The following SNTG1 variants were observed in gnomAD, a reference collection of about 807,000 sequenced individuals.
SNTG1 encodes the protein syntrophin gamma 1, also known as gamma-1-syntrophin.
SNTG1 carries 39 observed loss-of-function variants against 74.7 expected under a neutral mutation model. That is an observed-to-expected ratio of 0.52 (90% CI 0.40 to 0.68). The LOEUF is 0.68. SNTG1 is among the 30% of genes least tolerant of loss of function. SNTG1 has a pLI of 0.00. For missense variants in SNTG1, 685 were observed against 609.5 expected (o/e 1.12, Z -1.30); for synonymous variants, 254 against 217.1 (o/e 1.17, Z -1.49).
chr8:50,773,052 G>A (rs763891558), intron 18 of SNTG1, among the ~76,000 whole-genome samples: 3 of 151,932 alleles, frequency 2.0e-5, no homozygotes, highest in Non-Finnish European at 1.5e-5. Flanking sequence ...TCTTTTTTCT[G>A]TAAGTTACCC....
At chr8:50,160,448 A>T (rs762406659) in intron 1 of SNTG1, among the ~76,000 whole-genome samples, 5 of 152,184 alleles carry the variant, frequency 3.3e-5, no homozygotes, top group Non-Finnish European at 7.3e-5. Context: ...CAGTTTTCTT[A>T]AAGGGTCATA....
chr8:50,117,594 T>C (rs2080866380), intron 1 of SNTG1, among the ~76,000 whole-genome samples: 1 of 152,112 alleles, frequency 6.6e-6, no homozygotes, highest in Non-Finnish European at 1.5e-5. Flanking sequence ...CTCAGCAAAA[T>C]TGTTTTCGCT....
intron 1 of SNTG1, among the ~76,000 whole-genome samples, chr8:49,926,806 C>G (rs1434392939): frequency 6.6e-6 from 1 of 151,906 alleles, no homozygotes; most frequent in Non-Finnish European, 1.5e-5. Context: ...AGAAGACAAG[C>G]TATGGAAAAG....
At chr8:50,265,930 A>T (rs891706229) in intron 2 of SNTG1, among the ~76,000 whole-genome samples, 16 of 152,086 alleles carry the variant, frequency 1.1e-4, no homozygotes, top group Non-Finnish European at 2.1e-4. Flanking sequence ...ATTAAAAGAA[A>T]TTTTTTAAGA....
At chr8:50,009,951 G>A (rs140851289) in intron 1 of SNTG1, among the ~76,000 whole-genome samples, 3 of 152,280 alleles carry the variant, frequency 2.0e-5, no homozygotes, top group East Asian at 3.9e-4. Context: ...AGCCGAGATC[G>A]TGCCATTGCA....
intron 1 of SNTG1, among the ~76,000 whole-genome samples, chr8:49,950,485 T>C (rs552350713): frequency 6.6e-6 from 1 of 152,292 alleles, no homozygotes; most frequent in South Asian, 2.1e-4. Context: ...GGGGAGATTT[T>C]TTTGCCAATT....
At chr8:50,742,525 TAGG>T (rs1190900433) in intron 17 of SNTG1, among the ~76,000 whole-genome samples, 1 of 151,654 alleles carries the variant, frequency 6.6e-6, no homozygotes, top group Non-Finnish European at 1.5e-5. Flanking sequence ...GGGAAACTTG[TAGG>T]AGTATAAGTA....
At chr8:50,276,373 T>TTATATATATATATATATATA (rs6150576) in intron 2 of SNTG1, among the ~76,000 whole-genome samples, 1 of 143,456 alleles carries the variant, frequency 7.0e-6, no homozygotes, top group African/African-American at 2.7e-5. Flanking sequence ...CAAGTAAATT[T>TTATATATATATATATATATA]TATATATATA....
At chr8:50,520,966 T>G (rs189926777) in intron 9 of SNTG1, among the ~76,000 whole-genome samples, 66 of 152,304 alleles carry the variant, frequency 4.3e-4, no homozygotes, top group African/African-American at 1.4e-3. Flanking sequence ...TAAGGACATA[T>G]GCACACATAT....
At chr8:50,309,360 CA>C (rs10535912) in intron 2 of SNTG1, among the ~76,000 whole-genome samples, 35,636 of 149,276 alleles carry the variant, frequency 0.24, 4,243 homozygotes, top group South Asian at 0.34. Context: ...TTTTTTAAGA[CA>C]AAAAAAAAAA....
intron 15 of SNTG1, among the ~76,000 whole-genome samples, chr8:50,663,964 GATGACTCCAA>G (rs1489601345): frequency 6.6e-6 from 1 of 152,136 alleles, no homozygotes; most frequent in Non-Finnish European, 1.5e-5. Context: ...ATTCTATCCT[GATGACTCCAA>G]ATGCATATGT....
At chr8:50,582,654 A>G (rs1309322860) in intron 12 of SNTG1, among the ~76,000 whole-genome samples, 1 of 152,162 alleles carries the variant, frequency 6.6e-6, no homozygotes, top group Non-Finnish European at 1.5e-5. Context: ...AATTCTAGAA[A>G]AAAACAGGAA....
At position 50,510,223 on chromosome 8, in the gene SNTG1, A is replaced by T. The variant is rs1379284478; in HGVS notation, c.466+7343A>T. On this transcript the variant is annotated intron_variant, in intron 9 of 18. Transcript: ENST00000642720. Reference sequence around the variant, plus strand: ...TTTATATGCTGGATTACATTCATTGATTTGCATATGTTGAGCCAGCCTTGC... The same window carrying T: ...TTTATATGCTGGATTACATTCATTGTTTTGCATATGTTGAGCCAGCCTTGC... Among the ~76,000 whole-genome samples, 6 of 152,104 alleles carry T rather than the reference A, an allele frequency of 3.9e-5. No individual in the cohort carries two copies. The South Asian group carries it at 1.2e-3, about 31-fold the overall frequency.
At chr8:50,033,054 T>A (rs1471770) in intron 1 of SNTG1, among the ~76,000 whole-genome samples, 2 of 151,800 alleles carry the variant, frequency 1.3e-5, no homozygotes, top group African/African-American at 2.4e-5. Flanking sequence ...CAAAATAAGA[T>A]GTTATAGATA....
At chr8:50,672,919 C>G (rs1212786883) in intron 15 of SNTG1, among the ~76,000 whole-genome samples, 2 of 152,148 alleles carry the variant, frequency 1.3e-5, no homozygotes, top group Non-Finnish European at 2.9e-5. Flanking sequence ...CACCAGTTTT[C>G]CCAGCATCAT....
intron 1 of SNTG1, among the ~76,000 whole-genome samples, chr8:49,958,521 A>G (rs1355382468): frequency 6.6e-6 from 1 of 151,772 alleles, no homozygotes; most frequent in Non-Finnish European, 1.5e-5. Flanking sequence ...TCCAGGGTTC[A>G]AGCAGTTCTC....
intron 2 of SNTG1, among the ~76,000 whole-genome samples, chr8:50,362,586 C>A (rs1025915632): frequency 1.3e-5 from 2 of 151,514 alleles, no homozygotes. Flanking sequence ...CAAACTAAAT[C>A]CCTTTAAAAT....
chr8:50,315,847 G>A (rs2090296805), intron 2 of SNTG1, among the ~76,000 whole-genome samples: 1 of 152,116 alleles, frequency 6.6e-6, no homozygotes, highest in African/African-American at 2.4e-5. Context: ...ACAGATGTGA[G>A]CTGAAAGTGT....
rs181160280 is a variant in SNTG1, at chr8:50,752,809, C to G, written c.1395+698C>G. On this transcript the variant is annotated intron_variant, in intron 18 of 18. Coordinates refer to ENST00000642720, the MANE Select transcript of SNTG1 (RefSeq NM_018967.5). ...ATTTTTGGCAAAGTATCCTGTAACACTGCTCTATGTTTAGATTAGACACTC... is the reference window on the plus strand; with the variant it reads ...ATTTTTGGCAAAGTATCCTGTAACAGTGCTCTATGTTTAGATTAGACACTC... Among the ~76,000 whole-genome samples the G allele has an allele frequency of 1.8e-4, 27 of 152,110 alleles. No individual in the cohort carries two copies. The East Asian group carries it at 5.1e-3, about 29-fold the overall frequency.
Sources: allele counts gnomAD v4.1 joint callset (sites outside exome capture counted in the v4.1 genomes callset), GRCh38; gene constraint gnomAD v4.1.1; transcripts MANE v1.5; gene names NCBI Gene and HGNC (gene_info 2026-07-23, HGNC 2026-07-21).